PRDM12: variants seen among roughly 807,000 people sequenced by gnomAD.
PRDM12 encodes the protein PR/SET domain 12, also known as PR domain zinc finger protein 12.
Under a neutral mutation model 29.6 loss-of-function variants are expected in PRDM12, and 17 were observed. That is an observed-to-expected ratio of 0.57 (90% CI 0.39 to 0.86). The LOEUF (loss-of-function observed/expected upper bound fraction) is 0.86, where lower values mean the gene tolerates loss of function less well. PRDM12 is among the 40% of genes least tolerant of loss of function. The pLI, the probability that PRDM12 is intolerant of heterozygous loss-of-function variation, is 0.00. For missense variants in PRDM12, 422 were observed against 510.8 expected (o/e 0.83, Z 1.68); for synonymous variants, 231 against 225.8 (o/e 1.02, Z -0.21).
At chr9:130,667,010 C>T (rs1469686494) in intron 2 of PRDM12, among the ~76,000 whole-genome samples, 2 of 152,210 alleles carry the variant, frequency 1.3e-5, no homozygotes, top group Admixed American at 1.3e-4. Flanking sequence ...AAAATCCGAC[C>T]CTCCTTCCCC....
chr9:130,677,388 C>A (rs1830852914), intron 3 of PRDM12, among the ~76,000 whole-genome samples: 1 of 152,230 alleles, frequency 6.6e-6, no homozygotes, highest in African/African-American at 2.4e-5. Flanking sequence ...TCTCTGACCA[C>A]AGAAGCCAAC....
chr9:130,680,659 A>ATATATATATATATATATATATATATAT, intron 4 of PRDM12, among the ~76,000 whole-genome samples: 3 of 72,172 alleles, frequency 4.2e-5, no homozygotes, highest in Non-Finnish European at 6.7e-5. Context: ...ATATATATAT[A>ATATATATATATATATATATATATATAT]TTTTTTTTTT....
In PRDM12 at chr9:130,666,850, C is replaced by A; in HGVS notation, c.414+52C>A. The A allele has an allele frequency of 2.6e-6, 4 of 1,540,234 alleles. No individual in the cohort carries two copies. The South Asian group carries it at 4.9e-5, about 19-fold the overall frequency. The stretch of plus-strand genomic sequence containing the variant: ...GCAAGGGCCGGCGAGGGGCGCTGGT[C>A]GCGGGTAGGACTCGGGCGTCCGGCC... On this transcript the variant is annotated intron_variant, in intron 2 of 4. Coordinates refer to ENST00000253008, the MANE Select transcript of PRDM12 (RefSeq NM_021619.3).
chr9:130,667,302 T>C (rs999830205), intron 2 of PRDM12, among the ~76,000 whole-genome samples: 2 of 152,202 alleles, frequency 1.3e-5, no homozygotes, highest in African/African-American at 4.8e-5. Context: ...TCAGCTTCTG[T>C]GTCCCCAGCC....
intron 2 of PRDM12, among the ~76,000 whole-genome samples, chr9:130,667,538 C>CT (rs1830745309): frequency 6.6e-6 from 1 of 151,508 alleles, no homozygotes; most frequent in South Asian, 2.1e-4. Context: ...CCAGCTCCCC[C>CT]CGGCGGACCC....
At chr9:130,666,455 C>G (rs925478455) in intron 1 of PRDM12, among the ~76,000 whole-genome samples, 153 bp from the exon 2 acceptor site, 1 of 152,252 alleles carries the variant, frequency 6.6e-6, no homozygotes, top group Non-Finnish European at 1.5e-5. Flanking sequence ...GCACATCCGA[C>G]TTCCTCCACA....
chr9:130,673,815 G>A (rs1830810932), intron 3 of PRDM12, among the ~76,000 whole-genome samples: 1 of 151,316 alleles, frequency 6.6e-6, no homozygotes, highest in African/African-American at 2.4e-5. Flanking sequence ...GGGATTACAG[G>A]CATGCGCCAG....
Position 130,681,015 on chromosome 9 carries a change from G to A in PRDM12, c.683-233G>A, listed in dbSNP as rs1024172066. On this transcript the variant is annotated intron_variant, in intron 4 of 4. Transcript: ENST00000253008. This position sits in a 1 kb window ranked among gnomAD's most constrained non-coding sequence, Gnocchi z 8.1. ...AGCTAGGCTGAGTCGCTAAGTCCCC[G>A]AGGTCTCGCATCGCGATCGGGAGTC... 6.6e-6 allele frequency among the ~76,000 whole-genome samples: 1 copy of A among 151,332 alleles called. No individual in the cohort carries two copies. Among genetic ancestry groups the A allele is most frequent in the Non-Finnish European group, 1.5e-5 (1 of 67,974 alleles).
At chr9:130,677,576 G>C (rs927794429) in intron 3 of PRDM12, among the ~76,000 whole-genome samples, 1 of 152,246 alleles carries the variant, frequency 6.6e-6, no homozygotes, top group African/African-American at 2.4e-5. Flanking sequence ...AGCACTTCTG[G>C]AGTCCAGGCC....
At chr9:130,679,644 G>T in intron 4 of PRDM12, among the ~76,000 whole-genome samples, 1 of 150,452 alleles carries the variant, frequency 6.6e-6, no homozygotes, top group East Asian at 2.0e-4. Context: ...GTGAAATTTG[G>T]TTATCCATAT....
chr9:130,673,574 A>G (rs1263919314), intron 3 of PRDM12, among the ~76,000 whole-genome samples: 1 of 150,336 alleles, frequency 6.7e-6, no homozygotes, highest in East Asian at 2.0e-4. Flanking sequence ...TGCAACCTCC[A>G]CCTCCTGGGT....
intron 3 of PRDM12, among the ~76,000 whole-genome samples, chr9:130,677,299 G>C (rs1830851794): frequency 6.6e-6 from 1 of 152,200 alleles, no homozygotes; most frequent in African/African-American, 2.4e-5. Context: ...TCTGACCAGA[G>C]GAAGGAAGAC....
At chr9:130,680,659 A>ATTTTTTTTTTTTTTTTTTT (rs767033169) in intron 4 of PRDM12, among the ~76,000 whole-genome samples, 2 of 72,170 alleles carry the variant, frequency 2.8e-5, no homozygotes, top group African/African-American at 1.6e-4. Flanking sequence ...ATATATATAT[A>ATTTTTTTTTTTTTTTTTTT]TTTTTTTTTT....
chr9:130,666,999 G>A (rs904235335), intron 2 of PRDM12, among the ~76,000 whole-genome samples: 3 of 152,174 alleles, frequency 2.0e-5, no homozygotes, highest in Non-Finnish European at 4.4e-5. Flanking sequence ...AACCCGTGCC[G>A]AAAATCCGAC....
Position 130,664,711 on chromosome 9 carries a change from C to G in PRDM12, c.58C>G (p.Pro20Ala). The part of the protein sequence containing the change: ...ALVLKTGLKA[P>A]GLALAEVITS... ...GGTGCTCAAGACCGGGCTGAAGGCG[C>G]CGGGACTGGCGCTGGCCGAGGTTAT... Residue 20 changes from proline (P) to alanine (A), a missense_variant, in exon 1 of 5, where the codon CCG (proline) becomes GCG (alanine). Coordinates refer to ENST00000253008, the MANE Select transcript of PRDM12 (RefSeq NM_021619.3). This position sits in a 1 kb window ranked among gnomAD's most constrained non-coding sequence, Gnocchi z 6.4. 1 of 1,609,848 alleles carries G rather than the reference C, an allele frequency of 6.2e-7. No homozygotes were observed.
chr9:130,665,677 G>A (rs934714809), intron 1 of PRDM12, among the ~76,000 whole-genome samples: 4 of 152,174 alleles, frequency 2.6e-5, no homozygotes, highest in Non-Finnish European at 4.4e-5. Flanking sequence ...TTTAGAATTA[G>A]CAATTTCTTT....
At position 130,681,597 on chromosome 9, in the gene PRDM12, G is replaced by C; in HGVS notation, c.1032G>C (p.Ala344=). The C allele has an allele frequency of 6.0e-6, 6 of 998,320 alleles. No homozygotes were observed. The highest frequency in any genetic ancestry group is 7.1e-6 in the Non-Finnish European group (6 of 839,966). The allele number at this position is 998,320 out of a possible 1,614,324, so 61.8% of individuals were successfully genotyped here. Residue 344 remains alanine, a synonymous_variant, in exon 5 of 5, where the codon GCG becomes GCC. Transcript: ENST00000253008. This position sits in a 1 kb window ranked among gnomAD's most constrained non-coding sequence, Gnocchi z 8.1. ...CGCTGCCCGCCCCGCACGCGCACGC[G>C]CCCGCGCTCGCCGCCGCCGCCGCCG... ...SPALPAPHAH[A]PALAAAAAAA...
rs769168280 is a variant in PRDM12 at position 130,681,336 on chromosome 9, C to T, written c.771C>T (p.Asn257=). 4.5e-6 allele frequency: 7 copies of T among 1,568,554 alleles called. No homozygotes were observed. The South Asian group carries it at 8.0e-5, about 18-fold the overall frequency. Residue 257 remains asparagine (N), a synonymous_variant, in exon 5 of 5, where the codon AAC becomes AAT. Coordinates refer to ENST00000253008, the MANE Select transcript of PRDM12 (RefSeq NM_021619.3). The surrounding 1 kb of genome is among the most constrained non-coding windows in gnomAD (Gnocchi z 8.1). ...ICHRGFNSRS[N]LRSHMRIHTL... is the part of the protein sequence containing the mutation. ...ACCGCGGCTTCAACTCGCGCAGCAA[C>T]CTGCGCTCGCACATGCGCATCCACA...
intron 3 of PRDM12, among the ~76,000 whole-genome samples, chr9:130,676,359 G>A (rs1391660038): frequency 5.9e-5 from 9 of 152,196 alleles, no homozygotes; most frequent in South Asian, 4.2e-4. Flanking sequence ...GCGTGGGTGT[G>A]GTGGCGGGCA....
Sources: gnomAD v4.1 joint callset for allele counts (sites outside exome capture counted in the v4.1 genomes callset) on GRCh38, gnomAD v4.1.1 for gene constraint, Gnocchi (gnomAD v3.1) non-coding constraint, MANE v1.5 for transcripts, NCBI Gene and HGNC (gene_info 2026-07-23, HGNC 2026-07-21) for gene names.